Variants in KCNT2 observed in about 807,000 individuals in gnomAD.
KCNT2 encodes potassium sodium-activated channel subfamily T member 2, also known as potassium channel subfamily T member 2.
Under a neutral mutation model 153.8 loss-of-function variants are expected in KCNT2, and 67 were observed. The ratio of observed to expected loss-of-function variants is 0.44; its 90% CI spans 0.36 to 0.53. The LOEUF (loss-of-function observed/expected upper bound fraction) is 0.53, where lower values mean the gene tolerates loss of function less well. Ranked by LOEUF, KCNT2 falls within the 20% of genes least tolerant of loss-of-function variation. The pLI is 0.00. For missense variants in KCNT2, 975 were observed against 1,354.8 expected, an observed-to-expected ratio of 0.72 and a Z score of 4.40; for synonymous variants, 500 against 458.8, an observed-to-expected ratio of 1.09 and a Z score of -1.15.
chr1:196,550,454 A>G (rs539941417), intron 1 of KCNT2, among the ~76,000 whole-genome samples: 2 of 152,082 alleles, frequency 1.3e-5, no homozygotes, highest in South Asian at 2.1e-4. Context: ...GTAAATTTTT[A>G]GATTGCATTT....
rs946355517 is a variant in KCNT2, at chr1:196,252,893, G to A, written c.3211+5301C>T. 1.2e-4 allele frequency among the ~76,000 whole-genome samples: 18 copies of A among 150,184 alleles called. 1 individual carries two copies. Among genetic ancestry groups the A allele is most frequent in the Admixed American group, 1.1e-3 (16 of 15,070 alleles). On this transcript the variant is annotated intron_variant, in intron 26 of 27. Coordinates refer to ENST00000294725, the MANE Select transcript of KCNT2 (RefSeq NM_198503.5). ...AGATGCCTTTCTATTTTTTTGTTTTGTAAAGTTTCTAACAAGAAGTCTGTT... is the reference window on the plus strand; with the variant it reads ...AGATGCCTTTCTATTTTTTTGTTTTATAAAGTTTCTAACAAGAAGTCTGTT...
intron 26 of KCNT2, among the ~76,000 whole-genome samples, chr1:196,253,249 T>TC (rs1037027013): frequency 2.0e-5 from 3 of 151,450 alleles, no homozygotes. Context: ...AGTTTTATTT[T>TC]CCCTCCTTCT....
chr1:196,472,657 G>A (rs1035412707), intron 5 of KCNT2, among the ~76,000 whole-genome samples: 2 of 152,050 alleles, frequency 1.3e-5, no homozygotes, highest in Non-Finnish European at 2.9e-5. Flanking sequence ...TTTGTTCCCT[G>A]ACTTATCTCC....
chr1:196,391,108 G>C (rs761689821), intron 13 of KCNT2, among the ~76,000 whole-genome samples: 23 of 151,172 alleles, frequency 1.5e-4, no homozygotes, highest in Non-Finnish European at 3.0e-4. Context: ...GGCAGGAAAG[G>C]GGGGTTGTAA....
chr1:196,455,742 T>C (rs975197702), intron 8 of KCNT2, among the ~76,000 whole-genome samples: 4 of 152,008 alleles, frequency 2.6e-5, no homozygotes, highest in African/African-American at 9.7e-5. Flanking sequence ...TTCTTTTATC[T>C]GCTTGTTGAG....
intron 16 of KCNT2, among the ~76,000 whole-genome samples, chr1:196,334,310 A>C (rs1390326252): frequency 6.6e-6 from 1 of 151,930 alleles, no homozygotes; most frequent in Non-Finnish European, 1.5e-5. Context: ...TATGGCACAA[A>C]ACATAAGATT....
At chr1:196,367,603 C>T (rs1176925184) in intron 14 of KCNT2, among the ~76,000 whole-genome samples, 1 of 152,030 alleles carries the variant, frequency 6.6e-6, no homozygotes, top group African/African-American at 2.4e-5. Context: ...GAAATATATC[C>T]TTTATGCAAA....
chr1:196,432,045 G>T (rs188750657), intron 8 of KCNT2, among the ~76,000 whole-genome samples: 1 of 152,012 alleles, frequency 6.6e-6, no homozygotes, highest in Non-Finnish European at 1.5e-5. Context: ...ACCAGGGCAC[G>T]TTTGGGGCCT....
At chr1:196,329,849 A>C (rs975907268) in intron 18 of KCNT2, among the ~76,000 whole-genome samples, 4 of 141,494 alleles carry the variant, frequency 2.8e-5, no homozygotes, top group African/African-American at 1.1e-4. Flanking sequence ...TTATGTACAT[A>C]TATGTATATA....
intron 1 of KCNT2, among the ~76,000 whole-genome samples, chr1:196,579,760 G>A (rs1343807458): frequency 6.6e-6 from 1 of 151,822 alleles, no homozygotes; most frequent in Non-Finnish European, 1.5e-5. Flanking sequence ...CCAAAAGTGC[G>A]GCGATTATGA....
intron 1 of KCNT2, among the ~76,000 whole-genome samples, chr1:196,572,264 A>G (rs1056177054): frequency 6.6e-6 from 1 of 152,062 alleles, no homozygotes; most frequent in Non-Finnish European, 1.5e-5. Flanking sequence ...TTCTCTCAGT[A>G]TAGGGAAATC....
At chr1:196,439,405 G>A (rs987016216) in intron 8 of KCNT2, among the ~76,000 whole-genome samples, 1 of 151,802 alleles carries the variant, frequency 6.6e-6, no homozygotes, top group Non-Finnish European at 1.5e-5. Flanking sequence ...ATTTCCTGGG[G>A]AATTTCACAT....
At chr1:196,605,090 A>G (rs1665168553) in intron 1 of KCNT2, among the ~76,000 whole-genome samples, 1 of 152,170 alleles carries the variant, frequency 6.6e-6, no homozygotes, top group Non-Finnish European at 1.5e-5. Context: ...CCTAAGATGG[A>G]GTTTGAAATT....
intron 14 of KCNT2, among the ~76,000 whole-genome samples, chr1:196,366,318 C>T (rs780638494): frequency 1.1e-4 from 17 of 151,958 alleles, no homozygotes; most frequent in Non-Finnish European, 2.5e-4. Flanking sequence ...CACCACCATG[C>T]CAGGCTAATT....
intron 8 of KCNT2, among the ~76,000 whole-genome samples, chr1:196,462,347 T>C (rs553033112): frequency 1.3e-5 from 2 of 151,812 alleles, no homozygotes; most frequent in East Asian, 3.9e-4. Context: ...AAGAGAGCGA[T>C]GCTACCATTA....
chr1:196,540,617 G>A (rs547282948), intron 1 of KCNT2, among the ~76,000 whole-genome samples: 6 of 152,230 alleles, frequency 3.9e-5, no homozygotes, highest in African/African-American at 1.4e-4. Context: ...AGTGAAAGTA[G>A]CATAATGTGG....
chr1:196,468,812 A>G (rs77061340), intron 6 of KCNT2, among the ~76,000 whole-genome samples, 182 bp downstream of exon 6: 2,140 of 152,186 alleles, frequency 0.014, 43 homozygotes, highest in African/African-American at 0.048. Flanking sequence ...TGAAATCATT[A>G]GTTTCCATTT....
chr1:196,483,090 G>A (rs1011170311), intron 3 of KCNT2, among the ~76,000 whole-genome samples: 2 of 152,008 alleles, frequency 1.3e-5, no homozygotes, highest in African/African-American at 4.8e-5. Flanking sequence ...CCCTATTCAG[G>A]AAAAGATAAA....
intron 8 of KCNT2, among the ~76,000 whole-genome samples, chr1:196,435,161 A>G (rs963570987): frequency 8.6e-6 from 1 of 116,582 alleles, no homozygotes; most frequent in African/African-American, 2.8e-5. Context: ...ATATATATAT[A>G]TATATATATA....
Sources: gnomAD v4.1 joint callset for allele counts (sites outside exome capture counted in the v4.1 genomes callset) on GRCh38, gnomAD v4.1.1 for gene constraint, MANE v1.5 for transcripts, NCBI Gene and HGNC (gene_info 2026-07-23, HGNC 2026-07-21) for gene names.